The following NDUFAF2 variants were observed in gnomAD, a reference collection of about 807,000 sequenced individuals.
NDUFAF2 encodes NADH dehydrogenase [ubiquinone] 1 alpha subcomplex assembly factor 2.
Under a neutral mutation model 22.8 loss-of-function variants are expected in NDUFAF2, and 13 were observed. The observed-to-expected ratio is 0.57, with a 90% confidence interval of 0.37 to 0.91. The LOEUF (loss-of-function observed/expected upper bound fraction) is 0.91. Ranked by LOEUF, NDUFAF2 falls within the 40% of genes least tolerant of loss-of-function variation. The pLI is 0.01. For missense variants in NDUFAF2, 162 were observed against 195.2 expected (o/e 0.83, Z 1.01); for synonymous variants, 53 against 64.2 (o/e 0.83, Z 0.84).
At chr5:61,101,663 T>C (rs966062365) in intron 3 of NDUFAF2, among the ~76,000 whole-genome samples, 14 of 152,132 alleles carry the variant, frequency 9.2e-5, no homozygotes, top group African/African-American at 2.9e-4. Context: ...AAATAAACTT[T>C]CTTTCATATC....
intron 2 of NDUFAF2, among the ~76,000 whole-genome samples, chr5:61,084,317 C>T (rs1752479541): frequency 2.6e-5 from 4 of 151,114 alleles, no homozygotes; most frequent in Admixed American, 2.0e-4. Flanking sequence ...GTAAAGTATA[C>T]ATAACATAAA....
intron 1 of NDUFAF2, among the ~76,000 whole-genome samples, chr5:61,058,174 C>A (rs891190848): frequency 6.6e-6 from 1 of 152,034 alleles, no homozygotes; most frequent in African/African-American, 2.4e-5. Context: ...TGCTACATTT[C>A]GAATCTGAAA....
chr5:61,027,188 G>A (rs935616531), intron 1 of NDUFAF2, among the ~76,000 whole-genome samples: 2 of 151,352 alleles, frequency 1.3e-5, no homozygotes, highest in African/African-American at 4.9e-5. Context: ...ACTGATTACA[G>A]TTGTTTTGTT....
intron 3 of NDUFAF2, among the ~76,000 whole-genome samples, chr5:61,128,860 G>A (rs1753070609): frequency 6.6e-6 from 1 of 151,992 alleles, no homozygotes; most frequent in Non-Finnish European, 1.5e-5. Flanking sequence ...GAGTGAACAG[G>A]CAACCTACAG....
intron 1 of NDUFAF2, among the ~76,000 whole-genome samples, chr5:61,072,179 T>C (rs1752307918): frequency 6.6e-6 from 1 of 152,240 alleles, no homozygotes; most frequent in African/African-American, 2.4e-5. Flanking sequence ...GCAGCTGGTC[T>C]CTCAATGTGG....
intron 1 of NDUFAF2, among the ~76,000 whole-genome samples, chr5:60,972,794 C>CT (rs774157042): frequency 0.014 from 1,199 of 84,820 alleles, 16 homozygotes; most frequent in African/African-American, 0.045. Flanking sequence ...TTTTGGTTTT[C>CT]TTTTTTTTTT....
intron 1 of NDUFAF2, among the ~76,000 whole-genome samples, chr5:61,000,221 A>G (rs1342148836): frequency 6.6e-6 from 1 of 152,096 alleles, no homozygotes; most frequent in African/African-American, 2.4e-5. Flanking sequence ...GAGCTTTAGT[A>G]TTTGGTGCTC....
At chr5:61,003,672 A>G (rs1751328289) in intron 1 of NDUFAF2, among the ~76,000 whole-genome samples, 1 of 140,652 alleles carries the variant, frequency 7.1e-6, no homozygotes, top group African/African-American at 2.7e-5. Context: ...TTTTTAAGAG[A>G]CAGGATCTTG....
intron 1 of NDUFAF2, among the ~76,000 whole-genome samples, chr5:61,017,758 GT>G (rs34069492): frequency 5.3e-5 from 8 of 149,936 alleles, no homozygotes; most frequent in African/African-American, 1.5e-4. Flanking sequence ...ATTTATTTAT[GT>G]TTTTTTTTGC....
chr5:60,953,097 A>G (rs1263262128), intron 1 of NDUFAF2, among the ~76,000 whole-genome samples: 2 of 152,166 alleles, frequency 1.3e-5, no homozygotes, highest in African/African-American at 2.4e-5. Context: ...GATGAAAACT[A>G]TAAACCCACA....
intron 1 of NDUFAF2, among the ~76,000 whole-genome samples, chr5:60,945,743 T>C (rs1206952743): frequency 6.6e-6 from 1 of 152,150 alleles, no homozygotes; most frequent in African/African-American, 2.4e-5. Context: ...CAGGGAAAAG[T>C]CCACGGAAAT....
intron 1 of NDUFAF2, among the ~76,000 whole-genome samples, chr5:61,035,193 A>T (rs1018149895): frequency 1.1e-4 from 17 of 151,716 alleles, no homozygotes; most frequent in Non-Finnish European, 5.9e-5. Flanking sequence ...CAGCCTCCCA[A>T]GTGGCTGGGA....
intron 1 of NDUFAF2, among the ~76,000 whole-genome samples, chr5:60,961,773 A>T (rs2112567949): frequency 6.6e-6 from 1 of 151,684 alleles, no homozygotes. Context: ...CTCAAAAAAA[A>T]AAAAAAAAAA....
At chr5:60,991,051 A>C (rs1237801053) in intron 1 of NDUFAF2, among the ~76,000 whole-genome samples, 1 of 152,214 alleles carries the variant, frequency 6.6e-6, no homozygotes, top group Non-Finnish European at 1.5e-5. Context: ...ATACCACAAA[A>C]TAGACCAATT....
intron 3 of NDUFAF2, among the ~76,000 whole-genome samples, chr5:61,134,507 A>G (rs1334302651): frequency 1.3e-5 from 2 of 152,030 alleles, no homozygotes; most frequent in Non-Finnish European, 2.9e-5. Context: ...AACACAGTGA[A>G]ACCCCATCTC....
At chr5:61,049,401 C>T (rs2111696032) in intron 1 of NDUFAF2, among the ~76,000 whole-genome samples, 1 of 152,138 alleles carries the variant, frequency 6.6e-6, no homozygotes, top group Non-Finnish European at 1.5e-5. Context: ...ATTATCAGAA[C>T]AGGGTTACAA....
chr5:61,136,006 T>TATATATATATAC (rs1740926779), intron 3 of NDUFAF2, among the ~76,000 whole-genome samples: 1 of 5,822 alleles, frequency 1.7e-4, no homozygotes, highest in Non-Finnish European at 3.6e-4. Flanking sequence ...AGCCTGTCTT[T>TATATATATATAC]ATATATATAT....
At chr5:61,044,829 A>G (rs2111687784) in intron 1 of NDUFAF2, among the ~76,000 whole-genome samples, 1 of 152,118 alleles carries the variant, frequency 6.6e-6, no homozygotes, top group Non-Finnish European at 1.5e-5. Flanking sequence ...GTTCCATTCA[A>G]ATTTTAAGAT....
intron 1 of NDUFAF2, among the ~76,000 whole-genome samples, chr5:61,038,346 C>A (rs1458070537): frequency 6.6e-6 from 1 of 151,810 alleles, no homozygotes; most frequent in African/African-American, 2.4e-5. Context: ...GCATTATTAC[C>A]CTGGTATTAA....
Sources: gnomAD v4.1 joint callset for allele counts (sites outside exome capture counted in the v4.1 genomes callset) on GRCh38, gnomAD v4.1.1 for gene constraint, MANE v1.5 for transcripts, NCBI Gene and HGNC (gene_info 2026-07-23, HGNC 2026-07-21) for gene names.